PCDHGA1: variants seen among roughly 807,000 people sequenced by gnomAD.
PCDHGA1 encodes the protein protocadherin gamma subfamily A, 1.
PCDHGA1 carries 32 observed loss-of-function variants against 58.0 expected under a neutral mutation model. That is an observed-to-expected ratio of 0.55 (90% CI 0.42 to 0.74). The LOEUF (loss-of-function observed/expected upper bound fraction) is 0.74, where lower values mean the gene tolerates loss of function less well. PCDHGA1 is among the 30% of genes least tolerant of loss of function. PCDHGA1 has a pLI of 0.00. For synonymous variants in PCDHGA1, 498 were observed against 501.1 expected, an observed-to-expected ratio of 0.99 and a Z score of 0.08; for missense variants, 1,205 against 1,182.3, an observed-to-expected ratio of 1.02 and a Z score of -0.28.
chr5:141,479,813 T>G (rs543146395), intron 1 of PCDHGA1, among the ~76,000 whole-genome samples: 1 of 152,318 alleles, frequency 6.6e-6, no homozygotes, highest in South Asian at 2.1e-4. Flanking sequence ...TATGCAAGGA[T>G]ACTATCCAAG....
chr5:141,340,037 GT>G, intron 1 of PCDHGA1: 1 of 1,614,198 alleles, frequency 6.2e-7, no homozygotes, highest in African/African-American at 1.3e-5. Context: ...TACTAGCTCA[GT>G]TTCTGAAGAC....
intron 1 of PCDHGA1, among the ~76,000 whole-genome samples, chr5:141,469,923 G>A (rs1251812588): frequency 1.3e-5 from 2 of 152,200 alleles, no homozygotes; most frequent in Non-Finnish European, 2.9e-5. Flanking sequence ...CCGAGGTCAG[G>A]AGTTTGAGAC....
At chr5:141,385,097 C>G in intron 1 of PCDHGA1, 1 of 1,614,192 alleles carries the variant, frequency 6.2e-7, no homozygotes, top group Non-Finnish European at 8.5e-7. Context: ...GGTGGCTTGG[C>G]GAACGTGCCC....
At position 141,502,499 on chromosome 5, in the gene PCDHGA1, C is replaced by T. The variant is rs552402476; in HGVS notation, c.2481-2894C>T. ...CATCACACTGGGACTCATCTAACGT[C>T]GGCCTGTCCCACTATCAGTGATGCC... On this transcript the variant is annotated intron_variant, in intron 2 of 3. Coordinates refer to ENST00000517417, the MANE Select transcript of PCDHGA1 (RefSeq NM_018912.3). Among the ~76,000 whole-genome samples, 24 of 152,240 alleles carry T rather than the reference C, an allele frequency of 1.6e-4. No homozygotes were observed. In the East Asian group the frequency reaches 4.1e-3, roughly 26 times the overall value.
intron 1 of PCDHGA1, chr5:141,341,204 G>A (rs1483184484): frequency 2.5e-6 from 4 of 1,614,230 alleles, no homozygotes; most frequent in Admixed American, 3.3e-5. Context: ...GGGCGTGGAC[G>A]GGGTTCGGGC....
chr5:141,475,852 G>A, intron 1 of PCDHGA1: 1 of 467,402 alleles, frequency 2.1e-6, no homozygotes, highest in East Asian at 3.7e-5. Context: ...AGAGCCCGGC[G>A]CTAGCTCATT....
At chr5:141,411,319 C>T (rs532552346) in intron 1 of PCDHGA1, 1 of 152,262 alleles carries the variant, frequency 6.6e-6, no homozygotes, top group South Asian at 2.1e-4. Flanking sequence ...CCTATAATCA[C>T]AGCACTTTGA....
chr5:141,383,943 T>C (rs1229813206), intron 1 of PCDHGA1: 1 of 1,613,674 alleles, frequency 6.2e-7, no homozygotes, highest in Admixed American at 1.7e-5. Flanking sequence ...CAGAAGTGAC[T>C]ATGACGTCTT....
chr5:141,435,467 G>A (rs1019246812), intron 1 of PCDHGA1, among the ~76,000 whole-genome samples: 3 of 152,146 alleles, frequency 2.0e-5, no homozygotes, highest in Non-Finnish European at 2.9e-5. Context: ...GTGTTTCCAA[G>A]TTAGACATTT....
chr5:141,332,596 C>A lies in PCDHGA1; in HGVS notation c.1912C>A (p.Leu638Ile). The A allele has an allele frequency of 1.9e-6, 3 of 1,612,918 alleles. No individual in the cohort carries two copies. The South Asian group carries it at 3.3e-5, about 18-fold the overall frequency. The change falls in exon 1 of 4, where the codon CTC (leucine) becomes ATC (isoleucine). Residue 638 changes from leucine (L) to isoleucine (I), a missense_variant. Coordinates refer to ENST00000517417, the MANE Select transcript of PCDHGA1 (RefSeq NM_018912.3). The surrounding 1 kb of genome is among the most constrained non-coding windows in gnomAD (Gnocchi z 4.6). ...TARALLDRDA[L>I]KQSLVVAVQD... ...GCGAGCCCTGCTGGACAGAGACGCG[C>A]TCAAGCAGAGTCTCGTGGTGGCCGT...
At chr5:141,508,681 C>T (rs970069) in intron 3 of PCDHGA1, among the ~76,000 whole-genome samples, 26,289 of 151,984 alleles carry the variant, frequency 0.17, 2,539 homozygotes, top group Admixed American at 0.29. Flanking sequence ...CTCCCTTCTC[C>T]CTGCTTCTCC....
chr5:141,337,267 CT>C (rs1474374483), intron 1 of PCDHGA1, among the ~76,000 whole-genome samples: 1 of 152,188 alleles, frequency 6.6e-6, no homozygotes, highest in Admixed American at 6.5e-5. Flanking sequence ...CAATTCCACT[CT>C]GGTTATTACC....
At chr5:141,418,381 T>C in intron 1 of PCDHGA1, 3 of 1,613,998 alleles carry the variant, frequency 1.9e-6, no homozygotes, top group Non-Finnish European at 2.5e-6. Flanking sequence ...AACTAAGTCC[T>C]AACGAGTATT....
intron 1 of PCDHGA1, chr5:141,422,738 C>G: frequency 6.2e-7 from 1 of 1,609,538 alleles, no homozygotes; most frequent in Non-Finnish European, 8.5e-7. Flanking sequence ...CCTCTGTCCT[C>G]CTATGTCTCT....
chr5:141,375,730 C>G (rs763067110), intron 1 of PCDHGA1: 3 of 1,614,266 alleles, frequency 1.9e-6, no homozygotes, highest in Non-Finnish European at 2.5e-6. Context: ...TGTCACTGAG[C>G]CTGTTTGTGC....
intron 1 of PCDHGA1, chr5:141,418,347 G>C: frequency 6.2e-7 from 1 of 1,614,024 alleles, no homozygotes; most frequent in Non-Finnish European, 8.5e-7. Context: ...CCTGATATTA[G>C]TATGAATTCG....
chr5:141,467,321 G>A (rs2099141786), intron 1 of PCDHGA1, among the ~76,000 whole-genome samples: 2 of 152,024 alleles, frequency 1.3e-5, no homozygotes, highest in East Asian at 1.9e-4. Context: ...CCACAGTGCT[G>A]GGATTAGAGA....
At chr5:141,469,792 A>G (rs989190786) in intron 1 of PCDHGA1, among the ~76,000 whole-genome samples, 1 of 152,194 alleles carries the variant, frequency 6.6e-6, no homozygotes, top group African/African-American at 2.4e-5. Flanking sequence ...GTTATTTGTA[A>G]TTGCAAAAAC....
chr5:141,423,798 A>G (rs551396089), intron 1 of PCDHGA1: 76 of 1,222,390 alleles, frequency 6.2e-5, no homozygotes, highest in Middle Eastern at 4.5e-4. Context: ...TATTTAGAGC[A>G]ATACATGTGA....
Sources: gnomAD v4.1 joint callset for allele counts (sites outside exome capture counted in the v4.1 genomes callset) on GRCh38, gnomAD v4.1.1 for gene constraint, Gnocchi (gnomAD v3.1) non-coding constraint, MANE v1.5 for transcripts, NCBI Gene and HGNC (gene_info 2026-07-23, HGNC 2026-07-21) for gene names.